The following TLN2 variants were observed in gnomAD, a reference collection of about 807,000 sequenced individuals.
TLN2 encodes talin 2.
Under a neutral mutation model 294.7 loss-of-function variants are expected in TLN2, and 118 were observed. The ratio of observed to expected loss-of-function variants is 0.40; its 90% CI spans 0.34 to 0.47. The LOEUF (loss-of-function observed/expected upper bound fraction) is 0.47, where lower values mean the gene tolerates loss of function less well. TLN2 is among the 20% of genes least tolerant of loss of function. The probability of loss-of-function intolerance (pLI) is 0.84; values close to 1 mark genes in which losing one functional copy is unlikely to be tolerated. For missense variants in TLN2, 3,083 were observed against 3,282.2 expected (o/e 0.94, Z 1.48); for synonymous variants, 1,431 against 1,304.5 (o/e 1.10, Z -2.09).
chr15:62,817,159 C>T (rs2067180599), intron 52 of TLN2, among the ~76,000 whole-genome samples: 1 of 152,204 alleles, frequency 6.6e-6, no homozygotes, highest in African/African-American at 2.4e-5. Context: ...CTATGCCTAA[C>T]TAAATTGCCT....
intron 4 of TLN2, among the ~76,000 whole-genome samples, chr15:62,647,691 A>T (rs2052051919): frequency 6.6e-6 from 1 of 152,186 alleles, no homozygotes; most frequent in Non-Finnish European, 1.5e-5. Flanking sequence ...CATGAGGATT[A>T]TGCTCTGCGG....
intron 1 of TLN2, among the ~76,000 whole-genome samples, chr15:62,502,692 C>T (rs914476320): frequency 3.3e-5 from 5 of 152,140 alleles, no homozygotes; most frequent in South Asian, 2.1e-4. Flanking sequence ...GGAGACGGGG[C>T]GTCATCTGGT....
At chr15:62,722,584 G>GTTTTACATATTTA in intron 26 of TLN2, 97 bp downstream of exon 26, 3 of 1,387,042 alleles carry the variant, frequency 2.2e-6, no homozygotes. Flanking sequence ...CCTATTTCTT[G>GTTTTACATATTTA]GCAAAGTTGT....
At chr15:62,395,200 T>G (rs1454632061) in intron 1 of TLN2, among the ~76,000 whole-genome samples, 6 of 144,620 alleles carry the variant, frequency 4.1e-5, no homozygotes. Flanking sequence ...TCTTTTGTAC[T>G]TTGTGTATCT....
At chr15:62,586,777 C>G (rs2045646250) in intron 1 of TLN2, among the ~76,000 whole-genome samples, 1 of 152,168 alleles carries the variant, frequency 6.6e-6, no homozygotes, top group Non-Finnish European at 1.5e-5. Flanking sequence ...TTCAGAAAAT[C>G]TCTTCATCAA....
chr15:62,776,987 C>G (rs1417283570), intron 43 of TLN2, 77 bp downstream of exon 43: 14 of 1,295,088 alleles, frequency 1.1e-5, no homozygotes, highest in Non-Finnish European at 1.4e-5. Flanking sequence ...TCTAAGCTGT[C>G]AAGGCTCATA....
At chr15:62,453,251 T>C (rs1239773700) in intron 1 of TLN2, among the ~76,000 whole-genome samples, 3 of 116,734 alleles carry the variant, frequency 2.6e-5, no homozygotes, top group Non-Finnish European at 5.2e-5. Flanking sequence ...TTTGGCATTG[T>C]CAACCTATTT....
At chr15:62,573,934 C>T (rs1216885634) in intron 1 of TLN2, among the ~76,000 whole-genome samples, 3 of 152,128 alleles carry the variant, frequency 2.0e-5, no homozygotes, top group Non-Finnish European at 2.9e-5. Context: ...GTTGGGAGCT[C>T]AGCCGCCTGA....
At chr15:62,824,703 A>G (rs910056119) in intron 54 of TLN2, among the ~76,000 whole-genome samples, 1 of 127,404 alleles carries the variant, frequency 7.8e-6, no homozygotes, top group Admixed American at 8.2e-5. Flanking sequence ...AAGTAATATC[A>G]TAGCCTAATT....
chr15:62,582,979 C>G (rs1222270024), intron 1 of TLN2, among the ~76,000 whole-genome samples: 1 of 152,090 alleles, frequency 6.6e-6, no homozygotes, highest in Non-Finnish European at 1.5e-5. Context: ...GAGTTAGACA[C>G]TTTATCCCTG....
intron 12 of TLN2, among the ~76,000 whole-genome samples, chr15:62,690,952 G>A (rs7174336): frequency 0.063 from 9,481 of 149,346 alleles, 889 homozygotes; most frequent in African/African-American, 0.22. Flanking sequence ...GCAGTGAGCC[G>A]AGATGGCAGC....
At chr15:62,538,540 T>C (rs181065869) in intron 1 of TLN2, among the ~76,000 whole-genome samples, 22 of 152,340 alleles carry the variant, frequency 1.4e-4, no homozygotes, top group African/African-American at 5.1e-4. Flanking sequence ...TAGGTACATA[T>C]AGCAACAAAT....
At chr15:62,606,009 G>A (rs1337517898) in intron 2 of TLN2, among the ~76,000 whole-genome samples, 1 of 152,216 alleles carries the variant, frequency 6.6e-6, no homozygotes, top group East Asian at 1.9e-4. Flanking sequence ...CACTAGTTAA[G>A]TAGTGTTAGT....
intron 1 of TLN2, among the ~76,000 whole-genome samples, chr15:62,507,311 A>G (rs775085302): frequency 2.0e-5 from 3 of 152,212 alleles, no homozygotes; most frequent in Non-Finnish European, 2.9e-5. Flanking sequence ...AGGTGGGGGT[A>G]TTCTGCTATG....
intron 28 of TLN2, among the ~76,000 whole-genome samples, chr15:62,731,557 C>T (rs1008473750): frequency 6.6e-5 from 10 of 152,124 alleles, no homozygotes; most frequent in East Asian, 3.8e-4. Context: ...TTGTGTGTCC[C>T]GTCTGAAAGG....
At chr15:62,465,598 C>G (rs1242959013) in intron 1 of TLN2, among the ~76,000 whole-genome samples, 1 of 152,128 alleles carries the variant, frequency 6.6e-6, no homozygotes, top group Non-Finnish European at 1.5e-5. Flanking sequence ...ACAGCTGGAG[C>G]CAATGGAGAA....
intron 1 of TLN2, among the ~76,000 whole-genome samples, chr15:62,553,605 T>C (rs1355101339): frequency 6.6e-6 from 1 of 152,242 alleles, no homozygotes; most frequent in Non-Finnish European, 1.5e-5. Flanking sequence ...CACCTTTTCC[T>C]CATGAGTGTT....
chr15:62,573,336 GC>G (rs1319875667), intron 1 of TLN2, among the ~76,000 whole-genome samples: 1 of 151,936 alleles, frequency 6.6e-6, no homozygotes, highest in East Asian at 1.9e-4. Flanking sequence ...CAGGTGTTGT[GC>G]CCCCCTCTGC....
chr15:62,633,042 G>T (rs1247159282), intron 3 of TLN2, among the ~76,000 whole-genome samples: 1 of 152,110 alleles, frequency 6.6e-6, no homozygotes, highest in African/African-American at 2.4e-5. Flanking sequence ...TTCCCTACTT[G>T]GCTGGAAGCA....
Sources: gnomAD v4.1 joint callset for allele counts (sites outside exome capture counted in the v4.1 genomes callset) on GRCh38, gnomAD v4.1.1 for gene constraint, MANE v1.5 for transcripts, NCBI Gene and HGNC (gene_info 2026-07-23, HGNC 2026-07-21) for gene names.